The following MYO16 variants were observed in gnomAD, a reference collection of about 807,000 sequenced individuals.
MYO16 encodes the protein unconventional myosin-XVI.
MYO16 carries 94 observed loss-of-function variants against 205.3 expected under a neutral mutation model. The ratio of observed to expected loss-of-function variants is 0.46; its 90% CI spans 0.39 to 0.54. The LOEUF (loss-of-function observed/expected upper bound fraction) is 0.54. MYO16 is among the 20% of genes least tolerant of loss of function. The pLI is 0.00. For missense variants in MYO16, 2,315 were observed against 2,387.5 expected (o/e 0.97, Z 0.63); for synonymous variants, 988 against 954.0 (o/e 1.04, Z -0.66).
chr13:108,789,534 G>C (rs1404582515), intron 5 of MYO16, among the ~76,000 whole-genome samples: 1 of 152,126 alleles, frequency 6.6e-6, no homozygotes, highest in Non-Finnish European at 1.5e-5. Context: ...TACATAGTTG[G>C]GGTTACAGTC....
At chr13:108,604,429 A>G (rs1040805247) in intron 1 of MYO16, among the ~76,000 whole-genome samples, 1 of 152,232 alleles carries the variant, frequency 6.6e-6, no homozygotes, top group South Asian at 2.1e-4. Context: ...CACCAAGGAA[A>G]TGAAGTAACA....
At chr13:108,605,388 T>G (rs192549687) in intron 1 of MYO16, among the ~76,000 whole-genome samples, 1 of 152,084 alleles carries the variant, frequency 6.6e-6, no homozygotes, top group Non-Finnish European at 1.5e-5. Context: ...GGTACTGATA[T>G]GGTCTGGCTC....
At chr13:109,050,253 TTC>T (rs1350403125) in intron 24 of MYO16, among the ~76,000 whole-genome samples, 62 of 152,288 alleles carry the variant, frequency 4.1e-4, no homozygotes, top group East Asian at 3.3e-3. Context: ...TCTTCAGCTT[TTC>T]TCTCTCTTTC....
At position 109,137,647 on chromosome 13, in the gene MYO16, A is replaced by G. The variant is rs192727109; in HGVS notation, c.4052-2617A>G. On this transcript the variant is annotated intron_variant, in intron 31 of 34. Transcript: ENST00000457511. Reference sequence around the variant, plus strand: ...TACTGACTTAGAAAGATGTCCATTGAGTTCAAAAATTACCTTTGTTCTTTT... The same window carrying G: ...TACTGACTTAGAAAGATGTCCATTGGGTTCAAAAATTACCTTTGTTCTTTT... Among the ~76,000 whole-genome samples the G allele has an allele frequency of 2.2e-3, 328 of 152,324 alleles. 3 individuals are homozygous for G. Among genetic ancestry groups the G allele is most frequent in the Admixed American group, 6.3e-3 (96 of 15,290 alleles).
At chr13:109,029,459 T>A (rs1886482555) in intron 23 of MYO16, among the ~76,000 whole-genome samples, 1 of 152,078 alleles carries the variant, frequency 6.6e-6, no homozygotes, top group African/African-American at 2.4e-5. Context: ...AACGTGTCCT[T>A]TACCTCCCTG....
the MYO16 span, among the ~76,000 whole-genome samples, chr13:108,579,674 C>T: frequency 1.2e-3 from 177 of 152,174 alleles, 1 homozygote; most frequent in Middle Eastern, 6.8e-3. Context: ...CTCCTGACCT[C>T]GTGATCCACC....
intron 3 of MYO16, among the ~76,000 whole-genome samples, chr13:108,720,674 T>C (rs1194842648): frequency 6.6e-6 from 1 of 152,162 alleles, no homozygotes; most frequent in Non-Finnish European, 1.5e-5. Context: ...TCCTAGTAAT[T>C]ATTTCTCTAG....
chr13:109,172,419 A>G (rs906235597), intron 33 of MYO16, among the ~76,000 whole-genome samples: 2 of 152,226 alleles, frequency 1.3e-5, no homozygotes, highest in African/African-American at 4.8e-5. Flanking sequence ...GTCACATTAA[A>G]TAATTTCTAA....
At chr13:108,516,287 G>C in the MYO16 span, among the ~76,000 whole-genome samples, 1 of 151,544 alleles carries the variant, frequency 6.6e-6, no homozygotes, top group South Asian at 2.1e-4. Context: ...GGAACTTCCT[G>C]ACCCCTTGCG....
At chr13:108,646,818 T>G (rs950940034) in intron 1 of MYO16, among the ~76,000 whole-genome samples, 1 of 152,262 alleles carries the variant, frequency 6.6e-6, no homozygotes, top group African/African-American at 2.4e-5. Context: ...TTTTCTCATT[T>G]TTACAGCTTT....
chr13:108,718,274 A>G (rs1190910490), intron 3 of MYO16, among the ~76,000 whole-genome samples: 1 of 152,118 alleles, frequency 6.6e-6, no homozygotes, highest in African/African-American at 2.4e-5. Flanking sequence ...GAAGTTGTCC[A>G]CCAGTAACCC....
intron 23 of MYO16, among the ~76,000 whole-genome samples, chr13:109,035,695 TTAAA>T (rs1886694634): frequency 6.6e-6 from 1 of 152,038 alleles, no homozygotes; most frequent in South Asian, 2.1e-4. Context: ...AAAAAATTAA[TTAAA>T]TAAAATAAAA....
chr13:108,883,700 T>C (rs550570482), intron 13 of MYO16, among the ~76,000 whole-genome samples: 1 of 151,936 alleles, frequency 6.6e-6, no homozygotes, highest in African/African-American at 2.4e-5. Context: ...AGTGGCATGA[T>C]CACCAGTCAC....
chr13:109,017,298 T>A (rs1885862723), intron 22 of MYO16, among the ~76,000 whole-genome samples: 1 of 152,198 alleles, frequency 6.6e-6, no homozygotes, highest in Non-Finnish European at 1.5e-5. Context: ...TGACCCCCAC[T>A]CTCTTCTGGC....
intron 32 of MYO16, among the ~76,000 whole-genome samples, chr13:109,163,555 GCTTT>G (rs1338363354): frequency 9.5e-6 from 1 of 105,070 alleles, no homozygotes; most frequent in African/African-American, 3.8e-5. Flanking sequence ...TTCCTTTTTT[GCTTT>G]CTTTCATTGT....
At chr13:108,908,605 C>T (rs540382799) in intron 15 of MYO16, among the ~76,000 whole-genome samples, 1 of 152,080 alleles carries the variant, frequency 6.6e-6, no homozygotes, top group Non-Finnish European at 1.5e-5. Context: ...TCTTTAACAC[C>T]CCTCACCCAA....
At chr13:108,522,485 A>G in the MYO16 span, among the ~76,000 whole-genome samples, 1 of 152,150 alleles carries the variant, frequency 6.6e-6, no homozygotes, top group Non-Finnish European at 1.5e-5. Context: ...CTAGCATGAC[A>G]AAATCCCCCA....
At chr13:109,046,153 C>A (rs1430946049) in intron 23 of MYO16, among the ~76,000 whole-genome samples, 1 of 152,158 alleles carries the variant, frequency 6.6e-6, no homozygotes, top group African/African-American at 2.4e-5. Context: ...CTCCCATTAT[C>A]CACTACCGGT....
intron 27 of MYO16, among the ~76,000 whole-genome samples, chr13:109,073,386 C>T (rs1005926018): frequency 1.3e-5 from 2 of 151,534 alleles, no homozygotes; most frequent in African/African-American, 4.9e-5. Context: ...TGTGTGATTA[C>T]AGGCATGAGC....
Sources: allele counts gnomAD v4.1 joint callset (sites outside exome capture counted in the v4.1 genomes callset), GRCh38; gene constraint gnomAD v4.1.1; transcripts MANE v1.5; gene names NCBI Gene and HGNC (gene_info 2026-07-23, HGNC 2026-07-21).